CFTR: variants seen among roughly 807,000 people sequenced by gnomAD.
CFTR encodes the protein cystic fibrosis transmembrane conductance regulator.
In CFTR, 181 loss-of-function variants were observed where a neutral mutation model predicts 171.6. That is an observed-to-expected ratio of 1.05 (90% confidence interval 0.93 to 1.19). CFTR has a LOEUF of 1.19. CFTR is among the 50% of genes most tolerant of loss of function. CFTR has a pLI of 0.00. For missense variants in CFTR, 1,968 were observed against 1,734.7 expected (o/e 1.13, Z -2.39); for synonymous variants, 583 against 608.0 (o/e 0.96, Z 0.60).
chr7:117,638,346 T>A (rs1183489496), intron 22 of CFTR, among the ~76,000 whole-genome samples: 1 of 152,214 alleles, frequency 6.6e-6, no homozygotes, highest in African/African-American at 2.4e-5. Context: ...TTATTTTTTT[T>A]ATCCCTTTGT....
In CFTR at chr7:117,526,138, A is replaced by G. The variant is rs577111120; in HGVS notation, c.274-4761A>G. Among the ~76,000 whole-genome samples, 106 of 152,052 alleles carry G rather than the reference A, an allele frequency of 7.0e-4. 2 individuals are homozygous for G. In the South Asian group the frequency reaches 0.021, roughly 30 times the overall value. On this transcript the variant is annotated intron_variant, in intron 3 of 26. Transcript: ENST00000003084. ...AAAGTATTTTATTTCTCCTTCACTTATGAAGCTTAGTTTGGCTGGATATCT... is the reference window on the plus strand; with the variant it reads ...AAAGTATTTTATTTCTCCTTCACTTGTGAAGCTTAGTTTGGCTGGATATCT...
intron 10 of CFTR, among the ~76,000 whole-genome samples, chr7:117,552,529 G>C (rs1408290782): frequency 6.6e-6 from 1 of 151,806 alleles, no homozygotes; most frequent in Non-Finnish European, 1.5e-5. Flanking sequence ...TATATTTCAG[G>C]TGATATTATT....
At chr7:117,623,048 G>C (rs1456061891) in intron 21 of CFTR, among the ~76,000 whole-genome samples, 1 of 152,106 alleles carries the variant, frequency 6.6e-6, no homozygotes, top group Non-Finnish European at 1.5e-5. Context: ...AGAGGTTTTG[G>C]AGAATAATAA....
chr7:117,602,943 A>G, intron 16 of CFTR, 80 bp downstream of exon 16: 4 of 1,228,568 alleles, frequency 3.3e-6, no homozygotes, highest in Non-Finnish European at 4.8e-6. Context: ...GTTTGTATGT[A>G]TTGTAATCCA....
At chr7:117,486,143 A>G (rs901621006) in intron 1 of CFTR, among the ~76,000 whole-genome samples, 1 of 152,172 alleles carries the variant, frequency 6.6e-6, no homozygotes, top group Non-Finnish European at 1.5e-5. Flanking sequence ...CTCATGGGGT[A>G]AGGAAATGAA....
chr7:117,526,275 C>A (rs1036242403), intron 3 of CFTR, among the ~76,000 whole-genome samples: 4 of 145,568 alleles, frequency 2.7e-5, no homozygotes, highest in African/African-American at 1.0e-4. Flanking sequence ...GGGTACATAA[C>A]GAAATGAAGA....
At chr7:117,610,457 A>G in intron 18 of CFTR, 62 bp from the exon 19 acceptor site, 1 of 1,438,038 alleles carries the variant, frequency 7.0e-7, no homozygotes, top group Non-Finnish European at 9.8e-7. Flanking sequence ...TCACTGACAC[A>G]CTTTGTCCAC....
chr7:117,605,653 C>T (rs1386210950), intron 17 of CFTR, among the ~76,000 whole-genome samples: 2 of 151,980 alleles, frequency 1.3e-5, no homozygotes, highest in Non-Finnish European at 2.9e-5. Flanking sequence ...AGGGAGGAAA[C>T]ATAGATTTTG....
At position 117,592,383 on chromosome 7, in the gene CFTR, T is replaced by C; in HGVS notation, c.2216T>C (p.Val739Ala). The change falls in exon 14 of 27, where the codon GTA (valine) becomes GCA (alanine). Residue 739 changes from valine to alanine, a missense_variant. Coordinates refer to ENST00000003084, the MANE Select transcript of CFTR (RefSeq NM_000492.4). ...CCTTTAGAGAGAAGGCTGTCCTTAG[T>C]ACCAGATTCTGAGCAGGGAGAGGCG... ...DEPLERRLSL[V>A]PDSEQGEAIL... 1 of 1,614,144 alleles carries C rather than the reference T, an allele frequency of 6.2e-7. No individual in the cohort carries two copies. The highest frequency in any genetic ancestry group is 8.5e-7 in the Non-Finnish European group (1 of 1,179,996).
Position 117,667,264 on chromosome 7 carries a change from G to A in CFTR, c.*156G>A. 1 of 722,386 alleles carries A rather than the reference G, an allele frequency of 1.4e-6. No homozygotes were observed. Among genetic ancestry groups the A allele is most frequent in the Non-Finnish European group, 2.5e-6 (1 of 406,422 alleles). The allele number at this position is 722,386 out of a possible 1,614,324, so 44.7% of individuals were successfully genotyped here. The stretch of plus-strand genomic sequence containing the variant: ...TTTAAAAAAGAAACATTTGGTAAGG[G>A]GAATTGAGGACACTGATATGGGTCT... On this transcript the variant is annotated 3_prime_UTR_variant, in exon 27 of 27. Transcript: ENST00000003084.
At chr7:117,546,180 G>A (rs1470111167) in intron 9 of CFTR, among the ~76,000 whole-genome samples, 2 of 151,982 alleles carry the variant, frequency 1.3e-5, no homozygotes, top group African/African-American at 4.8e-5. Context: ...TTTTAGTAGA[G>A]ACGGGGTTTC....
chr7:117,664,558 G>A, intron 24 of CFTR, 130 bp from the exon 25 acceptor site: 2 of 795,856 alleles, frequency 2.5e-6, no homozygotes, highest in South Asian at 1.4e-5. Context: ...TCAAATGGTG[G>A]CAGGTAGTGG....
intron 3 of CFTR, among the ~76,000 whole-genome samples, chr7:117,516,226 G>A (rs1298099020): frequency 3.9e-5 from 6 of 152,008 alleles, no homozygotes; most frequent in Non-Finnish European, 8.8e-5. Context: ...GTTTCCAAAG[G>A]TTCAGCATTT....
chr7:117,637,639 G>C (rs1024004839), intron 22 of CFTR, among the ~76,000 whole-genome samples: 1 of 152,166 alleles, frequency 6.6e-6, no homozygotes, highest in Admixed American at 6.5e-5. Context: ...CACTTTGGGA[G>C]GCTAAGGCAG....
At chr7:117,530,801 A>G in intron 3 of CFTR, 98 bp from the exon 4 acceptor site, 1 of 801,044 alleles carries the variant, frequency 1.2e-6, no homozygotes, top group Non-Finnish European at 2.1e-6. Flanking sequence ...AACTCATTTT[A>G]AGTCTCCTCT....
chr7:117,616,904 T>C (rs1018081052), intron 21 of CFTR, among the ~76,000 whole-genome samples: 2 of 152,166 alleles, frequency 1.3e-5, no homozygotes, highest in African/African-American at 4.8e-5. Flanking sequence ...ATTCCCATCA[T>C]AGTGCTGTCA....
intron 12 of CFTR, among the ~76,000 whole-genome samples, chr7:117,589,906 C>T (rs539688259): frequency 6.6e-6 from 1 of 152,154 alleles, no homozygotes; most frequent in African/African-American, 2.4e-5. Flanking sequence ...CAAAACCCAA[C>T]ATCTTCAAGG....
chr7:117,501,747 C>CAAAAAAAAAAAAAAAAAAAAA (rs1212853305), intron 1 of CFTR, among the ~76,000 whole-genome samples: 8 of 43,900 alleles, frequency 1.8e-4, no homozygotes, highest in South Asian at 9.6e-4. Flanking sequence ...AACTCTGTCT[C>CAAAAAAAAAAAAAAAAAAAAA]AAAAAAAAAA....
At chr7:117,503,433 C>A (rs1798363511) in intron 1 of CFTR, among the ~76,000 whole-genome samples, 1 of 152,198 alleles carries the variant, frequency 6.6e-6, no homozygotes, top group Non-Finnish European at 1.5e-5. Context: ...TGATTGATTT[C>A]ACAATCCTTC....
Sources: allele counts gnomAD v4.1 joint callset (sites outside exome capture counted in the v4.1 genomes callset), GRCh38; gene constraint gnomAD v4.1.1; transcripts MANE v1.5; gene names NCBI Gene and HGNC (gene_info 2026-07-23, HGNC 2026-07-21).